Variants in SLC9C2 observed in about 807,000 individuals in gnomAD.
The protein encoded by SLC9C2 is solute carrier family 9 member C2 (putative), also known as sodium/hydrogen exchanger 11.
A neutral mutation model predicts 140.2 loss-of-function variants in SLC9C2; 75 were observed. The observed-to-expected ratio is 0.53, with a 90% CI of 0.44 to 0.65. The LOEUF (loss-of-function observed/expected upper bound fraction) is 0.65. SLC9C2 is among the 30% of genes least tolerant of loss of function. The probability of loss-of-function intolerance (pLI) is 0.00; values close to 1 mark genes in which losing one functional copy is unlikely to be tolerated. For missense variants in SLC9C2, 1,074 were observed against 1,331.8 expected (o/e 0.81, Z 3.01); for synonymous variants, 375 against 420.9 (o/e 0.89, Z 1.34).
chr1:173,573,860 C>T (rs1664993796), intron 8 of SLC9C2, among the ~76,000 whole-genome samples: 2 of 152,330 alleles, frequency 1.3e-5, no homozygotes, highest in Middle Eastern at 3.4e-3. Context: ...TAACTCTAAT[C>T]CCATGTTGTC....
intron 17 of SLC9C2, among the ~76,000 whole-genome samples, chr1:173,532,582 T>G (rs1661656089): frequency 6.6e-6 from 1 of 152,240 alleles, no homozygotes; most frequent in Non-Finnish European, 1.5e-5. Flanking sequence ...GGAAATATTT[T>G]TGTTTCTGTA....
chr1:173,503,356 A>G lies in SLC9C2; in HGVS notation c.3311-30T>C, dbSNP rs768239343. 8 of 1,599,444 alleles carry G rather than the reference A, an allele frequency of 5.0e-6. No individual in the cohort carries two copies. In the African/African-American group the frequency reaches 8.0e-5, roughly 16 times the overall value. ...CCAAATCCAAGCATTGAACAGAAAA[A>G]GTAAATTAGGAATTTAAGAGTAAAG... is the stretch of plus-strand genomic sequence containing the variant. On this transcript the variant is annotated intron_variant, in intron 26 of 27. Transcript: ENST00000367714.
intron 22 of SLC9C2, among the ~76,000 whole-genome samples, chr1:173,520,008 T>C (rs535158722): frequency 3.3e-4 from 50 of 152,142 alleles, no homozygotes; most frequent in African/African-American, 1.1e-3. Context: ...GGCGTGGTGG[T>C]GCGTGCCTGT....
chr1:173,551,607 T>C (rs1301194298), intron 11 of SLC9C2, among the ~76,000 whole-genome samples: 1 of 152,202 alleles, frequency 6.6e-6, no homozygotes, highest in Non-Finnish European at 1.5e-5. Context: ...ATGATGGTGA[T>C]ATGTGATCAG....
chr1:173,586,768 C>T (rs993160814), intron 5 of SLC9C2, among the ~76,000 whole-genome samples: 4 of 152,108 alleles, frequency 2.6e-5, no homozygotes, highest in Non-Finnish European at 5.9e-5. Context: ...TCTCAGCAAA[C>T]TAACACAGGA....
At chr1:173,518,451 T>C (rs1178006515) in intron 22 of SLC9C2, among the ~76,000 whole-genome samples, 1 of 152,224 alleles carries the variant, frequency 6.6e-6, no homozygotes, top group East Asian at 1.9e-4. Flanking sequence ...ATGATGTTAA[T>C]GAAAGCCTTG....
intron 5 of SLC9C2, among the ~76,000 whole-genome samples, chr1:173,584,214 T>C (rs1456798680): frequency 1.3e-5 from 2 of 152,142 alleles, no homozygotes; most frequent in African/African-American, 4.8e-5. Context: ...ACCTGAACCT[T>C]GAAAACATTA....
intron 7 of SLC9C2, among the ~76,000 whole-genome samples, chr1:173,577,227 G>C (rs1316333831): frequency 6.6e-6 from 1 of 152,196 alleles, no homozygotes; most frequent in Non-Finnish European, 1.5e-5. Context: ...ACTGAGGATA[G>C]GGCTAATGGA....
intron 23 of SLC9C2, among the ~76,000 whole-genome samples, chr1:173,510,964 T>C (rs187790039): frequency 4.0e-4 from 61 of 152,040 alleles, no homozygotes; most frequent in African/African-American, 1.4e-3. Flanking sequence ...AGTGTGAAAG[T>C]GTTCTTAGTT....
chr1:173,568,404 AG>A (rs1356488638), intron 9 of SLC9C2, among the ~76,000 whole-genome samples: 2 of 137,708 alleles, frequency 1.5e-5, no homozygotes, highest in African/African-American at 7.3e-5. Flanking sequence ...TTCCTGTGTT[AG>A]TTTGCTAAGG....
chr1:173,556,927 CAAAAAAA>C (rs79800435), intron 10 of SLC9C2, among the ~76,000 whole-genome samples: 4 of 70,802 alleles, frequency 5.6e-5, no homozygotes, highest in Non-Finnish European at 8.8e-5. Context: ...AATCTTGTCT[CAAAAAAA>C]AAAAAAAAGA....
intron 5 of SLC9C2, among the ~76,000 whole-genome samples, chr1:173,586,252 A>G (rs1023276326): frequency 1.3e-5 from 2 of 152,202 alleles, no homozygotes; most frequent in African/African-American, 4.8e-5. Flanking sequence ...AAATGTATCT[A>G]CCTTGTAACA....
chr1:173,528,127 C>T (rs980451350), intron 18 of SLC9C2, among the ~76,000 whole-genome samples: 1 of 152,150 alleles, frequency 6.6e-6, no homozygotes, highest in Non-Finnish European at 1.5e-5. Flanking sequence ...CTCCTGCCTA[C>T]AAAGAGAGCA....
At chr1:173,596,091 C>T (rs988742515) in intron 4 of SLC9C2, among the ~76,000 whole-genome samples, 10 of 152,120 alleles carry the variant, frequency 6.6e-5, no homozygotes. Flanking sequence ...TTAAATTCTT[C>T]CTTGTTGTGC....
At chr1:173,561,873 ACACACACACACACC>A (rs1248168946) in intron 9 of SLC9C2, among the ~76,000 whole-genome samples, 3 of 151,356 alleles carry the variant, frequency 2.0e-5, no homozygotes, top group African/African-American at 7.3e-5. Flanking sequence ...ACACACACAC[ACACACACACACACC>A]CCCAACTGTA....
intron 11 of SLC9C2, among the ~76,000 whole-genome samples, chr1:173,550,246 G>GA (rs1663160800): frequency 6.6e-6 from 1 of 151,078 alleles, no homozygotes; most frequent in South Asian, 2.1e-4. Context: ...TACTAAAAAA[G>GA]AAAAAAAATG....
At chr1:173,541,392 T>C (rs937709328) in intron 13 of SLC9C2, among the ~76,000 whole-genome samples, 14 of 152,186 alleles carry the variant, frequency 9.2e-5, no homozygotes, top group African/African-American at 3.1e-4. Flanking sequence ...AGACTTAGAA[T>C]CCCACATAAT....
chr1:173,543,576 G>T (rs180882467), intron 13 of SLC9C2, among the ~76,000 whole-genome samples: 1 of 152,164 alleles, frequency 6.6e-6, no homozygotes, highest in Non-Finnish European at 1.5e-5. Flanking sequence ...AACAAAGCTG[G>T]AGGCATCACA....
chr1:173,547,275 G>T (rs779573350), intron 13 of SLC9C2, among the ~76,000 whole-genome samples: 4 of 151,698 alleles, frequency 2.6e-5, no homozygotes, highest in Non-Finnish European at 4.4e-5. Context: ...GAGAATTTTT[G>T]ATTCATCAGA....
Sources: gnomAD v4.1 joint callset for allele counts (sites outside exome capture counted in the v4.1 genomes callset) on GRCh38, gnomAD v4.1.1 for gene constraint, MANE v1.5 for transcripts, NCBI Gene and HGNC (gene_info 2026-07-23, HGNC 2026-07-21) for gene names.